The following GSK3B variants were observed in gnomAD, a reference collection of about 807,000 sequenced individuals.
GSK3B encodes the protein glycogen synthase kinase 3 beta, also known as glycogen synthase kinase-3 beta.
In GSK3B, 15 loss-of-function variants were observed where a neutral mutation model predicts 56.4. The observed-to-expected ratio is 0.27, with a 90% CI of 0.18 to 0.41. The LOEUF (loss-of-function observed/expected upper bound fraction) is 0.41. GSK3B is among the 10% of genes least tolerant of loss of function. The probability of loss-of-function intolerance (pLI) is 1.00; values close to 1 mark genes in which losing one functional copy is unlikely to be tolerated. For synonymous variants in GSK3B, 181 were observed against 188.9 expected (o/e 0.96, Z 0.34); for missense variants, 300 against 513.4 (o/e 0.58, Z 4.02).
At chr3:120,029,608 G>A in intron 1 of GSK3B, 1 of 569,292 alleles carries the variant, frequency 1.8e-6, no homozygotes, top group Admixed American at 2.2e-5. Flanking sequence ...ATCCCAGAAG[G>A]GAGGCTTGCC....
intron 3 of GSK3B, among the ~76,000 whole-genome samples, chr3:119,930,005 C>T (rs2056928808): frequency 6.6e-6 from 1 of 150,758 alleles, no homozygotes; most frequent in Non-Finnish European, 1.5e-5. Flanking sequence ...CACTTGAGCC[C>T]GAAAAGTCAA....
At chr3:120,006,239 T>A (rs1320068546) in intron 1 of GSK3B, among the ~76,000 whole-genome samples, 1 of 152,112 alleles carries the variant, frequency 6.6e-6, no homozygotes, top group Admixed American at 6.5e-5. Context: ...ATGCACCCAA[T>A]ACAAGAGCAC....
At chr3:119,968,951 G>A (rs1024570110) in intron 2 of GSK3B, among the ~76,000 whole-genome samples, 3 of 152,062 alleles carry the variant, frequency 2.0e-5, no homozygotes, top group East Asian at 1.9e-4. Context: ...ATAAGCACCC[G>A]CAAAAATGAA....
intron 8 of GSK3B, among the ~76,000 whole-genome samples, chr3:119,864,154 T>C (rs1354575960): frequency 2.0e-5 from 3 of 152,216 alleles, no homozygotes; most frequent in Non-Finnish European, 4.4e-5. Flanking sequence ...TACCTAGAAT[T>C]TGATAAAATG....
rs193147776 is a variant in GSK3B, at chr3:119,824,704, T to C, written c.*2084A>G. On this transcript the variant is annotated 3_prime_UTR_variant, in exon 11 of 11. Coordinates refer to ENST00000264235, the MANE Select transcript of GSK3B (RefSeq NM_001146156.2). ...CACTTTATAAAACATAAAATTCAAT[T>C]TGTTTGATTTGGTTTGACTGAGCAT... 4.7e-5 allele frequency: 9 copies of C among 192,510 alleles called. No homozygotes were observed. The East Asian group carries it at 6.6e-4, about 14-fold the overall frequency. The allele number at this position is 192,510 out of a possible 1,614,324, so 11.9% of individuals were successfully genotyped here.
intron 7 of GSK3B, among the ~76,000 whole-genome samples, chr3:119,893,595 T>G (rs1435082738): frequency 6.6e-6 from 1 of 152,056 alleles, no homozygotes; most frequent in Non-Finnish European, 1.5e-5. Context: ...AGTAAACAAT[T>G]TGGGTAAAGT....
chr3:120,081,373 C>A (rs1397078663), intron 1 of GSK3B, among the ~76,000 whole-genome samples: 2 of 151,960 alleles, frequency 1.3e-5, no homozygotes, highest in African/African-American at 4.8e-5. Flanking sequence ...ATGGTGAAAC[C>A]CTGTCTCTAC....
chr3:120,093,382 T>A lies in GSK3B; in HGVS notation c.53A>T (p.Gln18Leu). Residue 18 changes from glutamine (Q) to leucine (L), a missense_variant, in exon 1 of 11, where the codon CAG (glutamine) becomes CTG (leucine). Gln to Leu is a moderately radical substitution (Grantham distance 113, BLOSUM62 -2). Coordinates refer to ENST00000264235, the MANE Select transcript of GSK3B (RefSeq NM_001146156.2). ...TSFAESCKPVQQPSAFGSMKV... is the reference protein window; with the variant it reads ...TSFAESCKPVLQPSAFGSMKV... ...CATGCTGCCAAAAGCTGAAGGCTGC[T>A]GCACCGGCTTGCAGCTCTCCGCAAA... is the stretch of plus-strand genomic sequence containing the variant. 1 of 1,613,886 alleles carries A rather than the reference T, an allele frequency of 6.2e-7. No homozygotes were observed. Among genetic ancestry groups the A allele is most frequent in the Non-Finnish European group, 8.5e-7 (1 of 1,179,754 alleles).
At chr3:120,030,877 C>A (rs1022203219) in intron 1 of GSK3B, among the ~76,000 whole-genome samples, 8 of 152,248 alleles carry the variant, frequency 5.3e-5, no homozygotes, top group Admixed American at 5.2e-4. Context: ...AATCAAAAAC[C>A]AGTGAACAAA....
intron 9 of GSK3B, among the ~76,000 whole-genome samples, chr3:119,855,000 A>C (rs1370494619): frequency 6.6e-6 from 1 of 152,048 alleles, no homozygotes; most frequent in Non-Finnish European, 1.5e-5. Flanking sequence ...TAGTTCTTTT[A>C]ATTGTGATGT....
intron 1 of GSK3B, among the ~76,000 whole-genome samples, chr3:120,061,783 A>AG (rs780850745): frequency 1.3e-5 from 2 of 152,246 alleles, no homozygotes; most frequent in East Asian, 1.9e-4. Context: ...CCCAGGCTGG[A>AG]GTGCAATGGT....
At chr3:119,945,592 G>C (rs2057092334) in intron 3 of GSK3B, among the ~76,000 whole-genome samples, 2 of 152,152 alleles carry the variant, frequency 1.3e-5, no homozygotes, top group Non-Finnish European at 2.9e-5. Flanking sequence ...AACCAGACAA[G>C]TAAGCCATCA....
At chr3:119,926,642 G>A (rs1209159205) in intron 3 of GSK3B, among the ~76,000 whole-genome samples, 1 of 151,860 alleles carries the variant, frequency 6.6e-6, no homozygotes, top group East Asian at 1.9e-4. Flanking sequence ...CATTATTTCT[G>A]TCCTCTATTC....
Position 120,060,491 on chromosome 3 carries a change from C to G in GSK3B, c.88+32856G>C, listed in dbSNP as rs556506878. 9.2e-5 allele frequency among the ~76,000 whole-genome samples: 14 copies of G among 152,106 alleles called. No homozygotes were observed. The South Asian group carries it at 2.7e-3, about 29-fold the overall frequency. On this transcript the variant is annotated intron_variant, in intron 1 of 10. Coordinates refer to ENST00000264235, the MANE Select transcript of GSK3B (RefSeq NM_001146156.2). ...CCCTGTAATCTCAGCACTTAGGGAG[C>G]CGAGGCGGGAGAATCACTGGAGCCC...
intron 2 of GSK3B, among the ~76,000 whole-genome samples, chr3:119,949,380 A>C (rs1397525978): frequency 6.6e-6 from 1 of 152,218 alleles, no homozygotes; most frequent in African/African-American, 2.4e-5. Flanking sequence ...AGCCTGAATG[A>C]TATGAAGGTA....
chr3:120,039,148 C>T (rs1046934011), intron 1 of GSK3B, among the ~76,000 whole-genome samples: 4 of 152,236 alleles, frequency 2.6e-5, no homozygotes, highest in African/African-American at 7.2e-5. Flanking sequence ...TACCATTATA[C>T]ATCCACTGGA....
At chr3:119,986,951 A>G (rs2057522161) in intron 2 of GSK3B, among the ~76,000 whole-genome samples, 1 of 152,230 alleles carries the variant, frequency 6.6e-6, no homozygotes, top group African/African-American at 2.4e-5. Flanking sequence ...GATAGACTGG[A>G]TTAAGAAAAT....
At chr3:119,919,264 C>T (rs2056812270) in intron 4 of GSK3B, among the ~76,000 whole-genome samples, 1 of 152,070 alleles carries the variant, frequency 6.6e-6, no homozygotes, top group Non-Finnish European at 1.5e-5. Context: ...CAAACAAGTC[C>T]TTATCAGATG....
chr3:119,928,301 T>G (rs1320383645), intron 3 of GSK3B, among the ~76,000 whole-genome samples: 1 of 151,938 alleles, frequency 6.6e-6, no homozygotes, highest in African/African-American at 2.4e-5. Context: ...ATAGGTAGAA[T>G]AAAGTTATAA....
Sources: gnomAD v4.1 joint callset for allele counts (sites outside exome capture counted in the v4.1 genomes callset) on GRCh38, gnomAD v4.1.1 for gene constraint, MANE v1.5 for transcripts, NCBI Gene and HGNC (gene_info 2026-07-23, HGNC 2026-07-21) for gene names.